The following SLC44A4 variants were observed in gnomAD, a reference collection of about 807,000 sequenced individuals.
SLC44A4 encodes the protein choline transporter-like protein 4.
A neutral mutation model predicts 97.0 loss-of-function variants in SLC44A4; 74 were observed. The observed-to-expected ratio is 0.76, with a 90% CI of 0.63 to 0.93. The LOEUF (loss-of-function observed/expected upper bound fraction) is 0.93. SLC44A4 is among the 40% of genes least tolerant of loss of function. The pLI is 0.00. For synonymous variants in SLC44A4, 325 were observed against 363.8 expected (o/e 0.89, Z 1.21); for missense variants, 799 against 902.9 (o/e 0.88, Z 1.48).
chr6:31,869,743 T>C (rs954515308), intron 11 of SLC44A4, 106 bp from the exon 12 acceptor site: 10 of 818,168 alleles, frequency 1.2e-5, no homozygotes, highest in Non-Finnish European at 2.0e-5. Context: ...CCCAGCACTT[T>C]GGGAGGCTGA....
intron 4 of SLC44A4, among the ~76,000 whole-genome samples, chr6:31,875,284 T>C (rs1205208799): frequency 6.6e-6 from 1 of 152,210 alleles, no homozygotes; most frequent in African/African-American, 2.4e-5. Flanking sequence ...TCATATCATC[T>C]TTATGATCTT....
intron 7 of SLC44A4, among the ~76,000 whole-genome samples, chr6:31,873,194 G>A (rs777763690): frequency 1.5e-4 from 22 of 151,542 alleles, no homozygotes; most frequent in Non-Finnish European, 2.5e-4. Context: ...TGTTTGAGAC[G>A]GAGTCTCGCT....
intron 13 of SLC44A4, 135 bp downstream of exon 13, chr6:31,869,020 T>G: frequency 3.1e-6 from 2 of 652,024 alleles, no homozygotes; most frequent in Non-Finnish European, 5.1e-6. Flanking sequence ...CTAGCTCTGC[T>G]GGGGGTTGAG....
rs903014969 is a variant in SLC44A4, at chr6:31,871,414, G to A, written c.618-17C>T. On this transcript the variant is annotated splice_polypyrimidine_tract_variant and intron_variant, in intron 8 of 20. Transcript: ENST00000229729. ...ATAAGACCGCTGTTGGGGAGACAGA[G>A]TCAGATGGGGCTGTGGGTGGAAGGG... The A allele has an allele frequency of 1.2e-6, 2 of 1,613,920 alleles. No individual in the cohort carries two copies. Among genetic ancestry groups the A allele is most frequent in the East Asian group, 2.2e-5 (1 of 44,884 alleles).
chr6:31,863,889 C>G, intron 20 of SLC44A4, 141 bp from the exon 21 acceptor site: 3 of 1,101,722 alleles, frequency 2.7e-6, no homozygotes, highest in Non-Finnish European at 3.9e-6. Context: ...TCAGTTTCCT[C>G]CTGTGAAGTG....
chr6:31,865,964 C>T lies in SLC44A4; in HGVS notation c.1396G>A (p.Ala466Thr), dbSNP rs894530246. The T allele has an allele frequency of 8.1e-6, 13 of 1,614,056 alleles. No homozygotes were observed. Among genetic ancestry groups the T allele is most frequent in the East Asian group, 4.5e-5 (2 of 44,900 alleles). Residue 466 changes from alanine (A) to threonine (T), a missense_variant, in exon 14 of 21, where the codon GCT becomes ACT. Coordinates refer to ENST00000229729, the MANE Select transcript of SLC44A4 (RefSeq NM_025257.3). This position sits in a 1 kb window ranked among gnomAD's most constrained non-coding sequence, Gnocchi z 5.2. ...WVLALGQCVL[A>T]GAFASFYWAF... is the part of the protein sequence containing the mutation. ...CAGTAGAAGGAGGCAAAGGCTCCAG[C>T]GAGGACGCATTGGCCCAGGGCCAGT...
chr6:31,875,002 T>G lies in SLC44A4; in HGVS notation c.269A>C (p.Asn90Thr), dbSNP rs1763370359. ...GCTGGACAGGATGCAGCTGAAGATG[T>G]TGAAGTACAGGAGATACGGCTTATC... Reference protein sequence around the residue: ...NKDKPYLLYFNIFSCILSSNI... With the variant: ...NKDKPYLLYFTIFSCILSSNI... Residue 90 changes from asparagine (N) to threonine (T), a missense_variant, in exon 5 of 21, where the codon AAC becomes ACC. Asn to Thr is a moderately conservative substitution (Grantham distance 65). This residue lies in a region of SLC44A4 where 409 missense variants were observed against 434.1 expected (regional missense o/e 0.94). Coordinates refer to ENST00000229729, the MANE Select transcript of SLC44A4 (RefSeq NM_025257.3). 1.9e-6 allele frequency: 3 copies of G among 1,612,734 alleles called. No individual in the cohort carries two copies. The African/African-American group carries it at 4.0e-5, about 22-fold the overall frequency.
At chr6:31,871,111 G>A (rs1451228326) in intron 9 of SLC44A4, 64 bp from the exon 10 acceptor site, 3 of 1,441,440 alleles carry the variant, frequency 2.1e-6, no homozygotes, top group Non-Finnish European at 2.9e-6. Flanking sequence ...CCTTACAGAG[G>A]CCCTCCCTGC....
Position 31,863,756 on chromosome 6 carries a change from G to T in SLC44A4, c.2012-8C>A. 6.2e-7 allele frequency: 1 copy of T among 1,612,242 alleles called. No individual in the cohort carries two copies. Among genetic ancestry groups the T allele is most frequent in the Non-Finnish European group, 8.5e-7 (1 of 1,179,710 alleles). On this transcript the variant is annotated splice_polypyrimidine_tract_variant and splice_region_variant and intron_variant, in intron 20 of 20. Coordinates refer to ENST00000229729, the MANE Select transcript of SLC44A4 (RefSeq NM_025257.3). ...TCCGCTCCAGGTCTTCCACTGAGCC[G>T]CAACAGAGACCGGTTAGAGCGGACC...
chr6:31,875,668 T>A, intron 4 of SLC44A4, 184 bp downstream of exon 4: 6 of 579,348 alleles, frequency 1.0e-5, no homozygotes, highest in South Asian at 2.6e-5. Flanking sequence ...AGAAGCTAAC[T>A]GTCCAGCAAT....
rs1181603532 is a variant in SLC44A4 at position 31,878,674 on chromosome 6, C to G, written c.40+267G>C. Among the ~76,000 whole-genome samples the G allele has an allele frequency of 6.6e-6, 1 of 152,052 alleles. No homozygotes were observed. Among genetic ancestry groups the G allele is most frequent in the African/African-American group, 2.4e-5 (1 of 41,398 alleles). Reference sequence around the variant, plus strand: ...CCAGAGTCCAGGCCTGAAATACCCCCCTCCTCCCAAGGACCTCAGCCCCAA... The same window carrying G: ...CCAGAGTCCAGGCCTGAAATACCCCGCTCCTCCCAAGGACCTCAGCCCCAA... On this transcript the variant is annotated intron_variant, in intron 1 of 20. Transcript: ENST00000229729. This position sits in a 1 kb window ranked among gnomAD's most constrained non-coding sequence, Gnocchi z 4.0.
Position 31,874,196 on chromosome 6 carries a change from C to T in SLC44A4, c.529+264G>A, listed in dbSNP as rs1243943290. ...CAGTCTCTTTGTGAACAACTCTAAT[C>T]TCTTCACCTAGAATGTAGCTGAAGC... On this transcript the variant is annotated intron_variant, in intron 7 of 20. Coordinates refer to ENST00000229729, the MANE Select transcript of SLC44A4 (RefSeq NM_025257.3). This position sits in a 1 kb window ranked among gnomAD's most constrained non-coding sequence, Gnocchi z 4.8. Among the ~76,000 whole-genome samples the T allele has an allele frequency of 1.3e-5, 2 of 152,138 alleles. No homozygotes were observed. Among genetic ancestry groups the T allele is most frequent in the Non-Finnish European group, 2.9e-5 (2 of 68,032 alleles).
rs1762743528 is a variant in SLC44A4, at chr6:31,864,693, C to T, written c.1970G>A (p.Ser657Asn). 4 of 1,613,916 alleles carry T rather than the reference C, an allele frequency of 2.5e-6. No individual in the cohort carries two copies. Among genetic ancestry groups the T allele is most frequent in the African/African-American group, 1.3e-5 (1 of 74,864 alleles). Residue 657 changes from serine to asparagine, a missense_variant, in exon 20 of 21, where the codon AGC becomes AAC. Transcript: ENST00000229729. ...GAYVIASGFF[S>N]VFGMCVDTLF... ...CGTGTCCACACACATGCCGAAAACG[C>T]TGAAGAAGCCGCTGGCGATGACATA...
intron 13 of SLC44A4, 147 bp from the exon 14 acceptor site, chr6:31,866,273 G>A (rs942932784): frequency 4.7e-6 from 5 of 1,067,902 alleles, no homozygotes; most frequent in East Asian, 2.5e-5. Flanking sequence ...AAGTTCTGTC[G>A]GAGAGTTCCA....
Position 31,875,873 on chromosome 6 carries a change from T to C in SLC44A4, c.221A>G (p.Tyr74Cys). 6.2e-7 allele frequency: 1 copy of C among 1,612,142 alleles called. No homozygotes were observed. Among genetic ancestry groups the C allele is most frequent in the Non-Finnish European group, 8.5e-7 (1 of 1,178,988 alleles). Residue 74 changes from tyrosine to cysteine, a missense_variant, in exon 4 of 21, where the codon TAC becomes TGC. Physicochemically the swap from Tyr to Cys is radical, Grantham distance 194 (BLOSUM62 -2). Transcript: ENST00000229729. ...VLYPRNSTGAYCGMGENKDKP... is the reference protein window; with the variant it reads ...VLYPRNSTGACCGMGENKDKP... ...TCACTTGTTCTCCCCCATGCCACAG[T>C]AGGCCCCAGTAGAGTTCCTGGGGTA...
intron 11 of SLC44A4, among the ~76,000 whole-genome samples, chr6:31,870,131 T>C (rs1048248494): frequency 6.6e-6 from 1 of 152,166 alleles, no homozygotes; most frequent in African/African-American, 2.4e-5. Context: ...CTGTAGGTGC[T>C]CACTGGATAA....
rs750083620 is a variant in SLC44A4 at position 31,865,878 on chromosome 6, T to C, written c.1482A>G (p.Thr494=). ...TFPLISAFIR[T]LRYHTGSLAF... Reference sequence around the variant, plus strand: ...GGCCCCTGCCCCATCCTTACCGGAGTGTGCGGATGAAGGCAGAGATTAAGG... The same window carrying C: ...GGCCCCTGCCCCATCCTTACCGGAGCGTGCGGATGAAGGCAGAGATTAAGG... The change falls in exon 14 of 21, where the codon ACA becomes ACG. Residue 494 remains threonine, a synonymous_variant. Transcript: ENST00000229729. The surrounding 1 kb of genome is among the most constrained non-coding windows in gnomAD (Gnocchi z 5.2). 2 of 1,613,710 alleles carry C rather than the reference T, an allele frequency of 1.2e-6. No individual in the cohort carries two copies. Among genetic ancestry groups the C allele is most frequent in the Non-Finnish European group, 1.7e-6 (2 of 1,179,910 alleles).
intron 4 of SLC44A4, 155 bp downstream of exon 4, chr6:31,875,697 G>C (rs148399804): frequency 1.5e-6 from 1 of 677,192 alleles, no homozygotes; most frequent in Non-Finnish European, 2.6e-6. Context: ...ACGTGGCCTG[G>C]AGTTGTCAGA....
rs9267659 is a variant in SLC44A4, at chr6:31,878,457, A to G, written c.40+484T>C. On this transcript the variant is annotated intron_variant, in intron 1 of 20. Transcript: ENST00000229729. This position sits in a 1 kb window ranked among gnomAD's most constrained non-coding sequence, Gnocchi z 4.0. ...CCTCACTCCTCAAGGGAGCCGGCAG[A>G]CCACAAGCAGCTTTCGCCCTCAGAG... 0.85 allele frequency among the ~76,000 whole-genome samples: 129,704 copies of G among 151,930 alleles called. 55,837 individuals are homozygous for G. Among genetic ancestry groups the G allele is most frequent in the African/African-American group, 0.96 (39,751 of 41,464 alleles).
Sources: allele counts gnomAD v4.1 joint callset (sites outside exome capture counted in the v4.1 genomes callset), GRCh38; gene constraint gnomAD v4.1.1; regional missense constraint gnomAD v4.1.1; non-coding constraint Gnocchi (gnomAD v3.1); transcripts MANE v1.5; gene names NCBI Gene and HGNC (gene_info 2026-07-23, HGNC 2026-07-21).